The following CDH8 variants were observed in gnomAD, a reference collection of about 807,000 sequenced individuals.
CDH8 encodes cadherin 8.
In CDH8, 17 loss-of-function variants were observed where a neutral mutation model predicts 68.1. The observed-to-expected ratio is 0.25, with a 90% confidence interval of 0.17 to 0.37. CDH8 has a LOEUF of 0.37. CDH8 is among the 10% of genes least tolerant of loss of function. The pLI, the probability that CDH8 is intolerant of heterozygous loss-of-function variation, is 1.00. For missense variants in CDH8, 763 were observed against 999.3 expected, an observed-to-expected ratio of 0.76 and a Z score of 3.19; for synonymous variants, 372 against 365.1, an observed-to-expected ratio of 1.02 and a Z score of -0.21.
chr16:61,684,071 C>T (rs542090199), intron 10 of CDH8, among the ~76,000 whole-genome samples: 2 of 152,130 alleles, frequency 1.3e-5, no homozygotes, highest in East Asian at 3.9e-4. Flanking sequence ...GAGATTGGTT[C>T]TGTCATTGTG....
chr16:61,822,423 A>G (rs1962239065), intron 5 of CDH8, among the ~76,000 whole-genome samples: 1 of 151,236 alleles, frequency 6.6e-6, no homozygotes, highest in Non-Finnish European at 1.5e-5. Flanking sequence ...TTAAACATTC[A>G]ATGACCTAAA....
intron 2 of CDH8, among the ~76,000 whole-genome samples, chr16:61,914,824 T>C (rs1344877731): frequency 1.3e-5 from 2 of 151,140 alleles, no homozygotes; most frequent in Non-Finnish European, 2.9e-5. Flanking sequence ...AGGATCCAGA[T>C]TTTCCCCAGA....
intron 2 of CDH8, among the ~76,000 whole-genome samples, chr16:61,921,272 TAAA>T (rs1964362494): frequency 2.2e-5 from 3 of 136,704 alleles, no homozygotes; most frequent in African/African-American, 2.7e-5. Flanking sequence ...ATAATAATAA[TAAA>T]AGAAAAAAAA....
chr16:61,979,670 A>G (rs1233594488), intron 2 of CDH8, among the ~76,000 whole-genome samples: 1 of 151,890 alleles, frequency 6.6e-6, no homozygotes, highest in Non-Finnish European at 1.5e-5. Context: ...AGATACCATC[A>G]GGTTTTTCTA....
At chr16:61,807,449 AC>A (rs1961818112) in intron 7 of CDH8, among the ~76,000 whole-genome samples, 1 of 152,118 alleles carries the variant, frequency 6.6e-6, no homozygotes, top group Non-Finnish European at 1.5e-5. Flanking sequence ...CACAATGTGC[AC>A]ATGTACCCTA....
chr16:61,734,320 G>A (rs923030981), intron 8 of CDH8, among the ~76,000 whole-genome samples: 4 of 152,090 alleles, frequency 2.6e-5, no homozygotes, highest in Non-Finnish European at 2.9e-5. Flanking sequence ...CCTTGTTGAC[G>A]TTGACTTATC....
At chr16:61,738,203 A>C (rs1477528288) in intron 8 of CDH8, among the ~76,000 whole-genome samples, 2 of 152,124 alleles carry the variant, frequency 1.3e-5, no homozygotes, top group Non-Finnish European at 2.9e-5. Flanking sequence ...CTTTGATTCA[A>C]GCCCTCACTG....
At chr16:61,709,056 G>C (rs1343771096) in intron 10 of CDH8, among the ~76,000 whole-genome samples, 1 of 152,008 alleles carries the variant, frequency 6.6e-6, no homozygotes. Context: ...CTTGTTGTTT[G>C]GGGATGCTTG....
intron 8 of CDH8, among the ~76,000 whole-genome samples, chr16:61,756,811 G>A (rs1020942141): frequency 6.6e-6 from 1 of 152,094 alleles, no homozygotes; most frequent in Non-Finnish European, 1.5e-5. Context: ...AGAATCTCTA[G>A]GCTTTGGAAA....
Position 61,992,127 on chromosome 16 carries a change from CTT to C in CDH8, c.252+29023_252+29024del, listed in dbSNP as rs5817331. Reference sequence around the variant, plus strand: ...GGAAATAAGTAAAAGGAAATGTACTCTTTTTTGGGCTCTGCACTAAGGTGAAG... The same window carrying C: ...GGAAATAAGTAAAAGGAAATGTACTCTTTTGGGCTCTGCACTAAGGTGAAG... On this transcript the variant is annotated intron_variant, in intron 2 of 11. Transcript: ENST00000577390. Among the ~76,000 whole-genome samples the C allele has an allele frequency of 3.3e-5, 5 of 150,314 alleles. No individual in the cohort carries two copies. In the Admixed American group the frequency reaches 3.3e-4, roughly 10 times the overall value.
rs71134375 is a variant in CDH8 at position 61,751,382 on chromosome 16, TAAAAAAAA to T, written c.1415-24175_1415-24168del. On this transcript the variant is annotated intron_variant, in intron 8 of 11. Coordinates refer to ENST00000577390, the MANE Select transcript of CDH8 (RefSeq NM_001796.5). ...CACAAATGTCCTTCCATATTCTCCT[TAAAAAAAA>T]AAAAAAAAAAAAAAAAAAAAACAAG... Among the ~76,000 whole-genome samples the T allele has an allele frequency of 5.0e-4, 27 of 54,138 alleles. 1 individual carries two copies. Among genetic ancestry groups the T allele is most frequent in the African/African-American group, 1.8e-3 (23 of 12,728 alleles). 35.5% of individuals were successfully genotyped at this position (54,138 alleles called of 152,430 possible).
intron 2 of CDH8, among the ~76,000 whole-genome samples, chr16:61,943,375 A>G (rs1964754197): frequency 6.6e-6 from 1 of 152,260 alleles, no homozygotes; most frequent in Non-Finnish European, 1.5e-5. Flanking sequence ...ACAAGGTGGT[A>G]GTAAAATGAA....
chr16:61,856,967 G>A lies in CDH8; in HGVS notation c.667+152C>T, dbSNP rs138548403. ...GTAATCAGCATCAAAAATGGTTGTA[G>A]GGCTCACTGTGTACCTCATGTCGCA... On this transcript the variant is annotated intron_variant, in intron 4 of 11. Transcript: ENST00000577390. 2.0e-5 allele frequency: 17 copies of A among 830,310 alleles called. No individual in the cohort carries two copies. The African/African-American group carries it at 2.9e-4, about 14-fold the overall frequency. 51.4% of individuals were successfully genotyped at this position (830,310 alleles called of 1,614,324 possible).
chr16:61,722,469 A>AG (rs1959230133), intron 9 of CDH8, among the ~76,000 whole-genome samples: 1 of 150,796 alleles, frequency 6.6e-6, no homozygotes, highest in Admixed American at 6.6e-5. Context: ...ATAAGAAAAA[A>AG]TAATTTTTGA....
At chr16:61,769,212 T>C (rs1265812097) in intron 8 of CDH8, among the ~76,000 whole-genome samples, 1 of 151,846 alleles carries the variant, frequency 6.6e-6, no homozygotes, top group African/African-American at 2.4e-5. Flanking sequence ...CGCTTAAAAA[T>C]GTCTCAAAGA....
chr16:61,678,009 CTT>C (rs1420033877), intron 10 of CDH8, among the ~76,000 whole-genome samples: 1 of 152,036 alleles, frequency 6.6e-6, no homozygotes, highest in African/African-American at 2.4e-5. Context: ...GCATGATAAA[CTT>C]TGGTTTCCAC....
intron 10 of CDH8, chr16:61,667,461 T>C (rs1056646408): frequency 6.6e-6 from 1 of 152,002 alleles, no homozygotes; most frequent in African/African-American, 2.4e-5. Context: ...ACTGTAACCA[T>C]CTAGCAGTAG....
chr16:61,905,265 C>T (rs962780867), intron 2 of CDH8, among the ~76,000 whole-genome samples: 10 of 152,138 alleles, frequency 6.6e-5, no homozygotes, highest in South Asian at 2.1e-4. Context: ...TCCATTCATT[C>T]GATAAACCCC....
intron 4 of CDH8, among the ~76,000 whole-genome samples, chr16:61,844,007 C>G (rs1253144482): frequency 1.3e-5 from 2 of 151,966 alleles, no homozygotes; most frequent in Non-Finnish European, 2.9e-5. Flanking sequence ...TTCACAATAG[C>G]AAAGACTTGG....
Sources: allele counts gnomAD v4.1 joint callset (sites outside exome capture counted in the v4.1 genomes callset), GRCh38; gene constraint gnomAD v4.1.1; transcripts MANE v1.5; gene names NCBI Gene and HGNC (gene_info 2026-07-23, HGNC 2026-07-21).